The following EIF4A1 variants were observed in gnomAD, a reference collection of about 807,000 sequenced individuals.
EIF4A1 encodes eukaryotic translation initiation factor 4A1.
In EIF4A1, 11 loss-of-function variants were observed where a neutral mutation model predicts 53.5. The ratio of observed to expected loss-of-function variants is 0.21; its 90% CI spans 0.13 to 0.34. The LOEUF is 0.34. Among genes scored for constraint, EIF4A1 ranks in the 10% least tolerant of loss-of-function variants. The probability of loss-of-function intolerance (pLI) is 1.00; values close to 1 mark genes in which losing one functional copy is unlikely to be tolerated. For synonymous variants in EIF4A1, 237 were observed against 186.7 expected (o/e 1.27, Z -2.20); for missense variants, 213 against 530.8 (o/e 0.40, Z 5.88).
At chr17:7,573,456 C>CG (rs1416015834) in intron 1 of EIF4A1, 1 of 153,490 alleles carries the variant, frequency 6.5e-6, no homozygotes, top group Non-Finnish European at 1.5e-5. Context: ...CACCCGGCGC[C>CG]GGGCGGGCGG....
chr17:7,576,776 C>T, intron 5 of EIF4A1, 84 bp downstream of exon 5: 1 of 1,550,726 alleles, frequency 6.4e-7, no homozygotes, highest in Non-Finnish European at 8.7e-7. Context: ...CAGAGTCATT[C>T]CCAAGGATGC....
chr17:7,575,551 T>C (rs1410093214), intron 4 of EIF4A1: 3 of 493,526 alleles, frequency 6.1e-6, no homozygotes, highest in Non-Finnish European at 1.1e-5. Context: ...GATCCCTTGG[T>C]GTGGGGGTGA....
At chr17:7,572,967 A>C in intron 1 of EIF4A1, 103 bp downstream of exon 1, 1 of 1,599,404 alleles carries the variant, frequency 6.3e-7, no homozygotes, top group Non-Finnish European at 8.6e-7. Flanking sequence ...TGCGGGAGAA[A>C]CCGAACCGGG....
chr17:7,577,667 C>G lies in EIF4A1; in HGVS notation c.867C>G (p.Thr289=), dbSNP rs143683973. Reference sequence around the variant, plus strand: ...CCCGGAGGAAGGTGGACTGGCTCACCGAGAAGATGCATGCTCGAGATTTCA... The same window carrying G: ...CCCGGAGGAAGGTGGACTGGCTCACGGAGAAGATGCATGCTCGAGATTTCA... ...INTRRKVDWL[T]EKMHARDFTV... The change falls in exon 8 of 11, where the codon ACC becomes ACG. Residue 289 remains threonine, a synonymous_variant. Coordinates refer to ENST00000293831, the MANE Select transcript of EIF4A1 (RefSeq NM_001416.4). This position sits in a 1 kb window ranked among gnomAD's most constrained non-coding sequence, Gnocchi z 4.7. 140 of 1,612,454 alleles carry G rather than the reference C, an allele frequency of 8.7e-5. No individual in the cohort carries two copies. The highest frequency in any genetic ancestry group is 1.6e-4 in the Middle Eastern group (1 of 6,074).
In EIF4A1 at chr17:7,572,931, G is replaced by A. The variant is rs1350204814; in HGVS notation, c.23+67G>A. The A allele has an allele frequency of 3.1e-6, 5 of 1,613,896 alleles. No individual in the cohort carries two copies. In the African/African-American group the frequency reaches 4.0e-5, roughly 13 times the overall value. ...CCGCCCCCTTCCGACGGGCCCGCCGGGGGTAGCTGAGAGGCCCACCAGGGT... is the reference window on the plus strand; with the variant it reads ...CCGCCCCCTTCCGACGGGCCCGCCGAGGGTAGCTGAGAGGCCCACCAGGGT... On this transcript the variant is annotated intron_variant, in intron 1 of 10. Transcript: ENST00000293831.
chr17:7,573,392 A>G (rs1376587194), intron 1 of EIF4A1: 2 of 173,558 alleles, frequency 1.2e-5, no homozygotes, highest in African/African-American at 2.4e-5. Flanking sequence ...GGTTTTCTTG[A>G]CGGCCAGGAC....
intron 1 of EIF4A1, chr17:7,573,279 C>T (rs1251845385): frequency 4.0e-5 from 13 of 322,894 alleles, no homozygotes; most frequent in African/African-American, 1.8e-4. Flanking sequence ...AGCATTCTGA[C>T]GGTACCACTC....
rs2150927206 is a variant in EIF4A1, at chr17:7,577,563, C to T, written c.769-6C>T. 1 of 1,613,240 alleles carries T rather than the reference C, an allele frequency of 6.2e-7. No homozygotes were observed. The highest frequency in any genetic ancestry group is 1.3e-5 in the African/African-American group (1 of 74,992). ...CCCTGACTGATTTTTGTCCCCCAAC[C>T]TCCAGGAGTGGAAGCTGGACACACT... On this transcript the variant is annotated splice_region_variant and splice_polypyrimidine_tract_variant and intron_variant, in intron 7 of 10. Coordinates refer to ENST00000293831, the MANE Select transcript of EIF4A1 (RefSeq NM_001416.4). The surrounding 1 kb of genome is among the most constrained non-coding windows in gnomAD (Gnocchi z 4.7).
chr17:7,574,566 T>C lies in EIF4A1; in HGVS notation c.93T>C (p.Val31=). The C allele has an allele frequency of 6.2e-7, 1 of 1,612,450 alleles. No individual in the cohort carries two copies. Among genetic ancestry groups the C allele is most frequent in the Non-Finnish European group, 8.5e-7 (1 of 1,179,982 alleles). The part of the protein sequence containing the change: ...GVIESNWNEI[V]DSFDDMNLSE... ...CCTAGAGTAACTGGAATGAGATTGT[T>C]GACAGCTTTGATGACATGAACCTCT... The change falls in exon 3 of 11, where the codon GTT becomes GTC. Residue 31 remains valine, a synonymous_variant. Transcript: ENST00000293831.
chr17:7,574,803 GC>G (rs1156372259), intron 3 of EIF4A1, 125 bp downstream of exon 3: 1 of 1,523,108 alleles, frequency 6.6e-7, no homozygotes, highest in East Asian at 2.2e-5. Flanking sequence ...TCCCAGCTTG[GC>G]TTTTGATCCG....
At position 7,578,713 on chromosome 17, in the gene EIF4A1, A is replaced by C. The variant is rs551534772; in HGVS notation, c.*227A>C. 1.6e-4 allele frequency: 67 copies of C among 408,732 alleles called. No homozygotes were observed. The highest frequency in any genetic ancestry group is 1.1e-3 in the African/African-American group (55 of 48,430). 25.3% of individuals were successfully genotyped at this position (408,732 alleles called of 1,614,324 possible). ...CGGCTCTTCTCCCAAAAAAAAAAAAAAAACACTAATCCATTTCCCTAACCT... is the reference window on the plus strand; with the variant it reads ...CGGCTCTTCTCCCAAAAAAAAAAAACAAACACTAATCCATTTCCCTAACCT... On this transcript the variant is annotated 3_prime_UTR_variant, in exon 11 of 11. Transcript: ENST00000293831.
chr17:7,577,008 C>A lies in EIF4A1; in HGVS notation c.515-48C>A, dbSNP rs538141104. The A allele has an allele frequency of 1.0e-5, 16 of 1,602,562 alleles. 1 individual carries two copies. In the African/African-American group the frequency reaches 2.1e-4, roughly 21 times the overall value. ...AGCGAAGTTGGATATATCTCTCCCA[C>A]ATTTCCCTAATCATATGCTATATAT... is the stretch of plus-strand genomic sequence containing the variant. On this transcript the variant is annotated intron_variant, in intron 5 of 10. Coordinates refer to ENST00000293831, the MANE Select transcript of EIF4A1 (RefSeq NM_001416.4). The surrounding 1 kb of genome is among the most constrained non-coding windows in gnomAD (Gnocchi z 4.7).
chr17:7,577,026 C>T lies in EIF4A1; in HGVS notation c.515-30C>T, dbSNP rs1351247709. On this transcript the variant is annotated intron_variant, in intron 5 of 10. Coordinates refer to ENST00000293831, the MANE Select transcript of EIF4A1 (RefSeq NM_001416.4). The surrounding 1 kb of genome is among the most constrained non-coding windows in gnomAD (Gnocchi z 4.7). ...TCTCCCACATTTCCCTAATCATATG[C>T]TATATATTGGCTTTTTTTTTCTTCT... 1.4e-5 allele frequency: 23 copies of T among 1,610,378 alleles called. No homozygotes were observed. Among genetic ancestry groups the T allele is most frequent in the Non-Finnish European group, 1.9e-5 (22 of 1,177,010 alleles).
chr17:7,574,505 C>CT (rs1567733346), intron 2 of EIF4A1, 41 bp from the exon 3 acceptor site: 1 of 1,612,468 alleles, frequency 6.2e-7, no homozygotes, highest in South Asian at 1.1e-5. Flanking sequence ...TCAGCTCCAC[C>CT]TTTTCCATGA....
In EIF4A1 at chr17:7,577,334, T is replaced by A; in HGVS notation, c.625-10T>A. 6.2e-7 allele frequency: 1 copy of A among 1,613,958 alleles called. No homozygotes were observed. The highest frequency in any genetic ancestry group is 8.5e-7 in the Non-Finnish European group (1 of 1,179,942). On this transcript the variant is annotated splice_polypyrimidine_tract_variant and intron_variant, in intron 6 of 10. Coordinates refer to ENST00000293831, the MANE Select transcript of EIF4A1 (RefSeq NM_001416.4). The surrounding 1 kb of genome is among the most constrained non-coding windows in gnomAD (Gnocchi z 4.7). Reference sequence around the variant, plus strand: ...ACCAGCACTCTAAGACTGGCCTTTTTTTCCACTAGGTAGTTTTGCTGTCAG... The same window carrying A: ...ACCAGCACTCTAAGACTGGCCTTTTATTCCACTAGGTAGTTTTGCTGTCAG...
At chr17:7,573,771 A>G (rs1469888477) in intron 1 of EIF4A1, 2 of 155,354 alleles carry the variant, frequency 1.3e-5, no homozygotes, top group Non-Finnish European at 2.8e-5. Context: ...GGCCTCCCAC[A>G]TCCGGGCAAC....
intron 2 of EIF4A1, 87 bp from the exon 3 acceptor site, chr17:7,574,459 G>A: frequency 2.5e-6 from 4 of 1,601,488 alleles, no homozygotes; most frequent in Non-Finnish European, 3.4e-6. Flanking sequence ...GCTTTTGTTA[G>A]TAGGCACCAG....
intron 4 of EIF4A1, chr17:7,576,009 C>T (rs1335028578): frequency 1.3e-5 from 2 of 155,556 alleles, no homozygotes; most frequent in African/African-American, 4.8e-5. Context: ...CCCGCTTCTA[C>T]TAAAAATACA....
rs772452235 is a variant in EIF4A1 at position 7,577,311 on chromosome 17, C to G, written c.625-33C>G. 16 of 1,611,682 alleles carry G rather than the reference C, an allele frequency of 9.9e-6. No individual in the cohort carries two copies. The highest frequency in any genetic ancestry group is 1.3e-5 in the Non-Finnish European group (15 of 1,178,604). ...AAGGGAGCAGGCCTCAGGAAGGAAC[C>G]AGCACTCTAAGACTGGCCTTTTTTT... On this transcript the variant is annotated intron_variant, in intron 6 of 10. Coordinates refer to ENST00000293831, the MANE Select transcript of EIF4A1 (RefSeq NM_001416.4). This position sits in a 1 kb window ranked among gnomAD's most constrained non-coding sequence, Gnocchi z 4.7.
Sources: allele counts gnomAD v4.1 joint callset, GRCh38; gene constraint gnomAD v4.1.1; non-coding constraint Gnocchi (gnomAD v3.1); transcripts MANE v1.5; gene names NCBI Gene and HGNC (gene_info 2026-07-23, HGNC 2026-07-21).